Variants in ADARB2 observed in about 807,000 individuals in gnomAD.
ADARB2 encodes inactive double-stranded RNA-specific editase B2.
ADARB2 carries 25 observed loss-of-function variants against 62.2 expected under a neutral mutation model. That is an observed-to-expected ratio of 0.40 (90% CI 0.29 to 0.56). The LOEUF is 0.56. Among genes scored for constraint, ADARB2 ranks in the 20% least tolerant of loss-of-function variants. ADARB2 has a pLI of 0.43. For synonymous variants in ADARB2, 572 were observed against 500.8 expected, an observed-to-expected ratio of 1.14 and a Z score of -1.90; for missense variants, 1,071 against 1,077.4, an observed-to-expected ratio of 0.99 and a Z score of 0.08.
At chr10:1,665,637 T>C (rs933366729) in intron 1 of ADARB2, among the ~76,000 whole-genome samples, 1 of 152,118 alleles carries the variant, frequency 6.6e-6, no homozygotes, top group Non-Finnish European at 1.5e-5. Flanking sequence ...GGAGGGGAAA[T>C]GTCAGCCATT....
intron 3 of ADARB2, among the ~76,000 whole-genome samples, chr10:1,323,322 G>C (rs1831812492): frequency 1.4e-5 from 2 of 147,872 alleles, no homozygotes; most frequent in African/African-American, 4.9e-5. Context: ...AAAAATCAAA[G>C]AAGACCTAAA....
intron 1 of ADARB2, among the ~76,000 whole-genome samples, chr10:1,635,338 G>T (rs1833906251): frequency 6.6e-6 from 1 of 152,194 alleles, no homozygotes; most frequent in Non-Finnish European, 1.5e-5. Context: ...GGTGAACTCG[G>T]CAGGCTGAGC....
At chr10:1,321,708 T>C (rs912935306) in intron 3 of ADARB2, among the ~76,000 whole-genome samples, 3 of 152,156 alleles carry the variant, frequency 2.0e-5, no homozygotes, top group Non-Finnish European at 4.4e-5. Flanking sequence ...ATATCCTCCT[T>C]CTCTTAAACA....
chr10:1,573,113 A>G (rs1340587003), intron 1 of ADARB2, among the ~76,000 whole-genome samples: 2 of 152,242 alleles, frequency 1.3e-5, no homozygotes, highest in Admixed American at 1.3e-4. Context: ...TCAGGAGGCC[A>G]GTAAATGAAC....
At chr10:1,314,373 A>ATCT (rs141494950) in intron 3 of ADARB2, among the ~76,000 whole-genome samples, 3,377 of 152,240 alleles carry the variant, frequency 0.022, 117 homozygotes, top group African/African-American at 0.075. Context: ...AAAGCCAGAC[A>ATCT]GACTATAGCT....
At chr10:1,390,387 T>C (rs1017998527) in intron 1 of ADARB2, among the ~76,000 whole-genome samples, 1 of 152,248 alleles carries the variant, frequency 6.6e-6, no homozygotes, top group Non-Finnish European at 1.5e-5. Flanking sequence ...ATGTGCTACA[T>C]GTGTGTCTGC....
At chr10:1,219,969 GATGATGGTGA>G in intron 6 of ADARB2, among the ~76,000 whole-genome samples, 1 of 127,516 alleles carries the variant, frequency 7.8e-6, no homozygotes, top group African/African-American at 3.0e-5. Context: ...GGTGGTGATG[GATGATGGTGA>G]TGGTGGTGAT....
At chr10:1,458,665 C>G (rs541539128) in intron 1 of ADARB2, among the ~76,000 whole-genome samples, 4 of 152,064 alleles carry the variant, frequency 2.6e-5, no homozygotes, top group Admixed American at 2.6e-4. Context: ...TTTCTGCCTG[C>G]CCCTCACTCC....
chr10:1,641,600 C>G (rs10903523), intron 1 of ADARB2, among the ~76,000 whole-genome samples: 1 of 152,110 alleles, frequency 6.6e-6, no homozygotes, highest in Non-Finnish European at 1.5e-5. Context: ...GTCTTTGCTG[C>G]GAGAGTGTGG....
chr10:1,546,959 G>A (rs2131974005), intron 1 of ADARB2, among the ~76,000 whole-genome samples: 1 of 152,348 alleles, frequency 6.6e-6, no homozygotes, highest in Non-Finnish European at 1.5e-5. Context: ...TTTGGGGAAA[G>A]GGTGAACAAC....
chr10:1,345,313 G>A (rs11250434), intron 3 of ADARB2, among the ~76,000 whole-genome samples: 62,767 of 151,958 alleles, frequency 0.41, 15,260 homozygotes, highest in East Asian at 0.68. Context: ...TCCCTCCTTT[G>A]GAAACCCTGG....
intron 4 of ADARB2, among the ~76,000 whole-genome samples, chr10:1,251,758 C>T (rs1309438724): frequency 3.3e-5 from 5 of 152,062 alleles, no homozygotes; most frequent in African/African-American, 1.2e-4. Context: ...ATGAGGGCTC[C>T]ACCTTCATGA....
chr10:1,218,330 C>T (rs1191948144), intron 6 of ADARB2, among the ~76,000 whole-genome samples: 1 of 152,192 alleles, frequency 6.6e-6, no homozygotes, highest in Admixed American at 6.5e-5. Context: ...GGATTACAGG[C>T]CTGAGCCACT....
chr10:1,236,772 TCTGCCTCCCGGTGTTTACTCCCCCC>T lies in ADARB2; in HGVS notation c.1362-2952_1362-2928del, dbSNP rs1830870776. On this transcript the variant is annotated intron_variant, in intron 5 of 9. Transcript: ENST00000381312. ...CTCTGCCTCCCGGTGTTTACTCCCC[TCTGCCTCCCGGTGTTTACTCCCCCC>T]CTGCCTCCCGGTGTTTACTCCCCTC... 8.6e-3 allele frequency among the ~76,000 whole-genome samples: 6 copies of T among 696 alleles called. 2 individuals carry two copies. The highest frequency in any genetic ancestry group is 0.016 in the Non-Finnish European group (6 of 376). The allele number at this position is 696 out of a possible 152,430, so 0.5% of individuals were successfully genotyped here.
intron 1 of ADARB2, among the ~76,000 whole-genome samples, chr10:1,656,232 G>C (rs1834170657): frequency 6.6e-6 from 1 of 152,154 alleles, no homozygotes; most frequent in Admixed American, 6.5e-5. Flanking sequence ...AAGTAACTTT[G>C]AAATAATCCC....
At chr10:1,446,651 G>A (rs1222888271) in intron 1 of ADARB2, among the ~76,000 whole-genome samples, 2 of 152,152 alleles carry the variant, frequency 1.3e-5, no homozygotes, top group Non-Finnish European at 2.9e-5. Context: ...TGCTCCTCAG[G>A]GCAGTCACTT....
chr10:1,721,204 T>C (rs1163415258), intron 1 of ADARB2, among the ~76,000 whole-genome samples: 1 of 152,190 alleles, frequency 6.6e-6, no homozygotes, highest in African/African-American at 2.4e-5. Context: ...TAATTCATCA[T>C]CATCAAAATT....
intron 4 of ADARB2, among the ~76,000 whole-genome samples, chr10:1,253,427 A>G (rs1257815171): frequency 6.6e-6 from 1 of 152,234 alleles, no homozygotes; most frequent in African/African-American, 2.4e-5. Flanking sequence ...AAATCTGACC[A>G]TGGCATTGCA....
intron 3 of ADARB2, among the ~76,000 whole-genome samples, chr10:1,349,086 G>A (rs1201254890): frequency 2.6e-5 from 4 of 152,148 alleles, no homozygotes; most frequent in Admixed American, 2.0e-4. Flanking sequence ...CAGATGGCCA[G>A]TTTCTGCCTT....
Sources: allele counts gnomAD v4.1 joint callset (sites outside exome capture counted in the v4.1 genomes callset), GRCh38; gene constraint gnomAD v4.1.1; transcripts MANE v1.5; gene names NCBI Gene and HGNC (gene_info 2026-07-23, HGNC 2026-07-21).